The following CDH12 variants were observed in gnomAD, a reference collection of about 807,000 sequenced individuals.
The protein encoded by CDH12 is cadherin 12.
CDH12 carries 41 observed loss-of-function variants against 74.1 expected under a neutral mutation model. The ratio of observed to expected loss-of-function variants is 0.55; its 90% confidence interval spans 0.43 to 0.72. The LOEUF (loss-of-function observed/expected upper bound fraction) is 0.72. CDH12 is among the 30% of genes least tolerant of loss of function. The probability of loss-of-function intolerance (pLI) is 0.00; values close to 1 mark genes in which losing one functional copy is unlikely to be tolerated. For synonymous variants in CDH12, 399 were observed against 355.0 expected (o/e 1.12, Z -1.39); for missense variants, 945 against 977.2 (o/e 0.97, Z 0.44).
chr5:21,876,403 G>T (rs1303629452), intron 6 of CDH12, among the ~76,000 whole-genome samples: 2 of 151,890 alleles, frequency 1.3e-5, no homozygotes, highest in Non-Finnish European at 2.9e-5. Flanking sequence ...GTTCATATTA[G>T]CCCCAGTGAC....
intron 7 of CDH12, among the ~76,000 whole-genome samples, chr5:21,853,746 A>G (rs1750599935): frequency 6.6e-6 from 1 of 151,710 alleles, no homozygotes; most frequent in Non-Finnish European, 1.5e-5. Context: ...TACTTCTCAA[A>G]TGCATGTTGG....
At chr5:21,880,617 T>TTCTA (rs1752260634) in intron 6 of CDH12, among the ~76,000 whole-genome samples, 1 of 53,936 alleles carries the variant, frequency 1.9e-5, no homozygotes, top group Non-Finnish European at 3.5e-5. Flanking sequence ...CCTTCCTTCC[T>TTCTA]TCTTTCTTTC....
intron 2 of CDH12, among the ~76,000 whole-genome samples, chr5:22,438,018 A>AT (rs1744475112): frequency 6.6e-6 from 1 of 151,938 alleles, no homozygotes; most frequent in African/African-American, 2.4e-5. Context: ...TTACTCCATA[A>AT]TTTTTTTAGG....
chr5:22,424,227 T>C (rs1580634299), intron 2 of CDH12, among the ~76,000 whole-genome samples: 1 of 152,142 alleles, frequency 6.6e-6, no homozygotes. Flanking sequence ...AATGGGATCT[T>C]ACTCTGTCTC....
chr5:22,268,085 G>A (rs1174348872), intron 3 of CDH12, among the ~76,000 whole-genome samples: 4 of 152,072 alleles, frequency 2.6e-5, no homozygotes, highest in Non-Finnish European at 5.9e-5. Context: ...ATGGCAGGCT[G>A]AGAATGGGGA....
chr5:22,458,401 C>T (rs1028001265), intron 2 of CDH12, among the ~76,000 whole-genome samples: 2 of 152,160 alleles, frequency 1.3e-5, no homozygotes, highest in African/African-American at 4.8e-5. Flanking sequence ...ACCCTATTTC[C>T]CAATAAGGCC....
intron 5 of CDH12, among the ~76,000 whole-genome samples, chr5:22,013,450 C>A (rs1161674841): frequency 1.3e-5 from 2 of 152,100 alleles, no homozygotes; most frequent in Non-Finnish European, 2.9e-5. Context: ...CTAACTATAT[C>A]ACATTGAGTG....
chr5:22,462,626 A>G (rs964303778), intron 2 of CDH12, among the ~76,000 whole-genome samples: 2 of 152,002 alleles, frequency 1.3e-5, no homozygotes, highest in African/African-American at 2.4e-5. Context: ...TGGAGACAGT[A>G]ACATGAAAAT....
At chr5:22,651,613 G>A (rs955416565) in intron 1 of CDH12, among the ~76,000 whole-genome samples, 2 of 151,860 alleles carry the variant, frequency 1.3e-5, no homozygotes, top group African/African-American at 4.8e-5. Context: ...TGACACATGG[G>A]GATTATGAGG....
intron 1 of CDH12, among the ~76,000 whole-genome samples, chr5:22,567,400 G>A (rs1018021670): frequency 1.3e-5 from 2 of 152,142 alleles, no homozygotes; most frequent in Admixed American, 1.3e-4. Flanking sequence ...TGAGGGGCAT[G>A]GCCGTCTCTC....
intron 6 of CDH12, among the ~76,000 whole-genome samples, chr5:21,944,953 C>A (rs1267434051): frequency 6.6e-6 from 1 of 152,018 alleles, no homozygotes; most frequent in African/African-American, 2.4e-5. Flanking sequence ...AACATGCACA[C>A]CCACCCAGCT....
chr5:22,132,831 G>A (rs1330774809), intron 4 of CDH12, among the ~76,000 whole-genome samples: 2 of 152,064 alleles, frequency 1.3e-5, no homozygotes, highest in East Asian at 3.9e-4. Context: ...CTCGGGTCCA[G>A]GATTCCTTCC....
chr5:22,252,581 T>G (rs1753172470), intron 3 of CDH12, among the ~76,000 whole-genome samples: 1 of 152,076 alleles, frequency 6.6e-6, no homozygotes, highest in South Asian at 2.1e-4. Context: ...ACAGCCTATA[T>G]CCAAATCACC....
At chr5:22,425,172 A>AATATATATATATATATACAT (rs1554039893) in intron 2 of CDH12, among the ~76,000 whole-genome samples, 15 of 83,448 alleles carry the variant, frequency 1.8e-4, no homozygotes, top group African/African-American at 6.6e-4. Flanking sequence ...TATATATATA[A>AATATATATATATATATACAT]ATATATATAT....
At chr5:22,303,875 A>G (rs1405378332) in intron 3 of CDH12, among the ~76,000 whole-genome samples, 1 of 152,156 alleles carries the variant, frequency 6.6e-6, no homozygotes, top group Admixed American at 6.5e-5. Flanking sequence ...ATGATAGCTC[A>G]GAGATCATTC....
chr5:22,074,934 A>G (rs1372569437), intron 5 of CDH12, among the ~76,000 whole-genome samples: 1 of 152,016 alleles, frequency 6.6e-6, no homozygotes, highest in Non-Finnish European at 1.5e-5. Context: ...TAGAAATACC[A>G]TTTGATCCAG....
chr5:22,216,368 G>T (rs1751802970), intron 3 of CDH12, among the ~76,000 whole-genome samples: 1 of 151,828 alleles, frequency 6.6e-6, no homozygotes, highest in Non-Finnish European at 1.5e-5. Context: ...GGGGATATAT[G>T]AAGATATTTC....
intron 6 of CDH12, among the ~76,000 whole-genome samples, chr5:21,955,914 T>A (rs1028519206): frequency 2.0e-5 from 3 of 151,970 alleles, no homozygotes; most frequent in African/African-American, 7.3e-5. Flanking sequence ...AAGCTAAATC[T>A]TACAATATTC....
At chr5:22,044,847 G>A (rs766268817) in intron 5 of CDH12, among the ~76,000 whole-genome samples, 2 of 152,146 alleles carry the variant, frequency 1.3e-5, no homozygotes, top group Non-Finnish European at 2.9e-5. Flanking sequence ...GAAACTACTA[G>A]AAGAAAACAG....
Sources: allele counts gnomAD v4.1 joint callset (sites outside exome capture counted in the v4.1 genomes callset), GRCh38; gene constraint gnomAD v4.1.1; transcripts MANE v1.5; gene names NCBI Gene and HGNC (gene_info 2026-07-23, HGNC 2026-07-21).